The following SETX variants were observed in gnomAD, a reference collection of about 807,000 sequenced individuals.
SETX encodes the protein helicase senataxin.
In SETX, 90 loss-of-function variants were observed where a neutral mutation model predicts 227.2. That is an observed-to-expected ratio of 0.40 (90% CI 0.33 to 0.47). The LOEUF is 0.47. SETX is among the 20% of genes least tolerant of loss of function. The pLI, the probability that SETX is intolerant of heterozygous loss-of-function variation, is 0.91. For synonymous variants in SETX, 1,210 were observed against 1,113.2 expected, an observed-to-expected ratio of 1.09 and a Z score of -1.73; for missense variants, 3,052 against 3,181.5, an observed-to-expected ratio of 0.96 and a Z score of 0.98.
intron 7 of SETX, among the ~76,000 whole-genome samples, chr9:132,333,221 A>G (rs1260685326): frequency 6.6e-6 from 1 of 151,190 alleles, no homozygotes; most frequent in Admixed American, 6.6e-5. Flanking sequence ...TCTACTAAAA[A>G]TACAAAAATT....
Position 132,311,759 on chromosome 9 carries a change from G to C in SETX, c.5372C>G (p.Ala1791Gly). Residue 1791 changes from alanine (A) to glycine (G), a missense_variant and splice_region_variant, in exon 11 of 26, where the codon GCA becomes GGA. Coordinates refer to ENST00000224140, the MANE Select transcript of SETX (RefSeq NM_015046.7). ...AAGTTGCGTAAGAAAAAACTTACCT[G>C]CAAACTCCCAGTATTTTATATAATC... Reference protein sequence around the residue: ...PADYIKYWEFAVYLEECELAK... With the variant: ...PADYIKYWEFGVYLEECELAK... The C allele has an allele frequency of 6.2e-7, 1 of 1,606,514 alleles. No homozygotes were observed. Among genetic ancestry groups the C allele is most frequent in the South Asian group, 1.1e-5 (1 of 90,854 alleles).
chr9:132,290,788 T>C (rs1478114746), intron 15 of SETX, among the ~76,000 whole-genome samples: 1 of 151,884 alleles, frequency 6.6e-6, no homozygotes. Flanking sequence ...CCCAGCTACT[T>C]GGAAGGCAGA....
intron 17 of SETX, 50 bp downstream of exon 17, chr9:132,288,186 T>C (rs763769168): frequency 3.4e-6 from 5 of 1,465,216 alleles, no homozygotes; most frequent in Admixed American, 1.7e-5. Context: ...AAAAAAAACT[T>C]GTTAACTAGT....
intron 24 of SETX, among the ~76,000 whole-genome samples, chr9:132,271,103 A>T (rs1004167237): frequency 1.3e-5 from 2 of 152,214 alleles, no homozygotes; most frequent in African/African-American, 4.8e-5. Flanking sequence ...AAATAAACTG[A>T]CAGTAGTTAA....
chr9:132,291,402 G>C (rs765819298), intron 15 of SETX, among the ~76,000 whole-genome samples: 1 of 151,290 alleles, frequency 6.6e-6, no homozygotes, highest in Non-Finnish European at 1.5e-5. Flanking sequence ...TCCTGACCTC[G>C]TGATCCACCT....
At chr9:132,344,252 T>G (rs181112366) in intron 4 of SETX, among the ~76,000 whole-genome samples, 3 of 152,308 alleles carry the variant, frequency 2.0e-5, no homozygotes, top group Admixed American at 2.0e-4. Context: ...CTTGCGCTGT[T>G]GCCCAGAATG....
chr9:132,283,313 G>C lies in SETX; in HGVS notation c.6497C>G (p.Ala2166Gly). 1.2e-6 allele frequency: 2 copies of C among 1,614,196 alleles called. No homozygotes were observed. The highest frequency in any genetic ancestry group is 1.7e-6 in the Non-Finnish European group (2 of 1,180,036). Residue 2166 changes from alanine to glycine, a missense_variant, in exon 19 of 26, where the codon GCT becomes GGT. Physicochemically the swap from Ala to Gly is moderately conservative, Grantham distance 60. Coordinates refer to ENST00000224140, the MANE Select transcript of SETX (RefSeq NM_015046.7). The stretch of plus-strand genomic sequence containing the variant: ...GGGGACACCCCCTTGCCCACGGAAA[G>C]CAGACTCAAGTAGTAAACCACCACT... ...STSGGLLLES[A>G]FRGQGGVPFS...
In SETX at chr9:132,263,974, T is replaced by C. The variant is rs1842505105; in HGVS notation, c.*265A>G. ...AACATTCACTCCAGTCTGACCTCCTTGTCTATAGAAGACTAAGAGATCAAC... is the reference window on the plus strand; with the variant it reads ...AACATTCACTCCAGTCTGACCTCCTCGTCTATAGAAGACTAAGAGATCAAC... On this transcript the variant is annotated 3_prime_UTR_variant, in exon 26 of 26. Transcript: ENST00000224140. The C allele has an allele frequency of 5.7e-6, 3 of 530,170 alleles. No homozygotes were observed. The highest frequency in any genetic ancestry group is 1.0e-5 in the Non-Finnish European group (3 of 295,466). 32.8% of individuals were successfully genotyped at this position (530,170 alleles called of 1,614,324 possible).
chr9:132,304,198 T>C (rs1445347938), intron 11 of SETX, among the ~76,000 whole-genome samples: 1 of 152,100 alleles, frequency 6.6e-6, no homozygotes, highest in Non-Finnish European at 1.5e-5. Context: ...TGCAGCACCC[T>C]GACAAAAATC....
At chr9:132,334,810 G>A in intron 6 of SETX, 83 bp from the exon 7 acceptor site, 12 of 1,455,364 alleles carry the variant, frequency 8.2e-6, no homozygotes, top group African/African-American at 1.4e-5. Context: ...GAATAACAAG[G>A]CAGGAAGATG....
intron 5 of SETX, among the ~76,000 whole-genome samples, chr9:132,338,490 T>G (rs1201159824): frequency 6.6e-6 from 1 of 152,212 alleles, no homozygotes; most frequent in African/African-American, 2.4e-5. Flanking sequence ...TAAAGAGGAC[T>G]AAATGGACGT....
intron 3 of SETX, among the ~76,000 whole-genome samples, chr9:132,348,595 T>G (rs1413652435): frequency 6.6e-6 from 1 of 152,098 alleles, no homozygotes; most frequent in East Asian, 1.9e-4. Context: ...CAGCACCTAG[T>G]ATATACCAGG....
At chr9:132,284,467 ATAC>A (rs1212050557) in intron 18 of SETX, among the ~76,000 whole-genome samples, 5 of 152,208 alleles carry the variant, frequency 3.3e-5, no homozygotes, top group African/African-American at 4.8e-5. Flanking sequence ...TTCAGCAAAA[ATAC>A]TACTAACGTC....
Position 132,298,235 on chromosome 9 carries a change from T to C in SETX, c.5626A>G (p.Asn1876Asp), listed in dbSNP as rs1372775718. The change falls in exon 13 of 26, where the codon AAT (asparagine) becomes GAT (aspartate). Residue 1876 changes from asparagine (N) to aspartate (D), a missense_variant. Around this residue, in one of 10 missense-constraint regions of SETX, gnomAD observed 239 missense variants for 272.1 expected, o/e 0.88. Coordinates refer to ENST00000224140, the MANE Select transcript of SETX (RefSeq NM_015046.7). The part of the protein sequence containing the change: ...NFPANLNELV[N>D]CIVISSLVTT... ...ACCAGAGAACTGATTACAATACAAT[T>C]CACAAGTTCGTTTAAATTGGCCGGA... is the stretch of plus-strand genomic sequence containing the variant. 2.5e-6 allele frequency: 4 copies of C among 1,614,000 alleles called. No individual in the cohort carries two copies. The highest frequency in any genetic ancestry group is 2.5e-6 in the Non-Finnish European group (3 of 1,180,002).
In SETX at chr9:132,298,102, A is replaced by C; in HGVS notation, c.5759T>G (p.Leu1920Arg). ...CACAATTCTCTCAGATGTTGTAGTC[A>C]GTAAATCTTTTGTACAGAAGTCCAT... ...NPMDFCTKDL[L>R]TTTSERIIAY... Residue 1920 changes from leucine (L) to arginine (R), a missense_variant, in exon 13 of 26, where the codon CTG becomes CGG. By Grantham distance (102) the Leu-to-Arg change is moderately radical. Transcript: ENST00000224140. 6.2e-7 allele frequency: 1 copy of C among 1,613,868 alleles called. No homozygotes were observed. Among genetic ancestry groups the C allele is most frequent in the East Asian group, 2.2e-5 (1 of 44,876 alleles).
chr9:132,269,631 T>C lies in SETX; in HGVS notation c.7271A>G (p.His2424Arg). The C allele has an allele frequency of 6.2e-7, 1 of 1,614,172 alleles. No individual in the cohort carries two copies. The highest frequency in any genetic ancestry group is 8.5e-7 in the Non-Finnish European group (1 of 1,179,978). The change falls in exon 25 of 26, where the codon CAT (histidine) becomes CGT (arginine). Residue 2424 changes from histidine to arginine, a missense_variant. His to Arg is a conservative substitution (Grantham distance 29). Transcript: ENST00000224140. The part of the protein sequence containing the change: ...RAKYSLFILG[H>R]LRTLMENQHW... Reference sequence around the variant, plus strand: ...GGTACCTACCATCAGGGTCCTCAAATGTCCGAGGATGAAGAGGCTGTACTT... The same window carrying C: ...GGTACCTACCATCAGGGTCCTCAAACGTCCGAGGATGAAGAGGCTGTACTT...
At chr9:132,268,509 C>T (rs1842751804) in intron 25 of SETX, among the ~76,000 whole-genome samples, 1 of 152,152 alleles carries the variant, frequency 6.6e-6, no homozygotes, top group South Asian at 2.1e-4. Context: ...TCAAGTTATA[C>T]AGAAATTTTT....
chr9:132,353,978 G>T (rs1359015157), intron 1 of SETX, among the ~76,000 whole-genome samples: 1 of 152,172 alleles, frequency 6.6e-6, no homozygotes, highest in Non-Finnish European at 1.5e-5. Context: ...GCTAGGCACC[G>T]AGCCAAAAAT....
At chr9:132,348,554 G>T (rs1340046734) in intron 3 of SETX, among the ~76,000 whole-genome samples, 2 of 152,000 alleles carry the variant, frequency 1.3e-5, no homozygotes, top group Non-Finnish European at 2.9e-5. Flanking sequence ...TCTGATCCAG[G>T]TTTCAATTCC....
Sources: gnomAD v4.1 joint callset for allele counts (sites outside exome capture counted in the v4.1 genomes callset) on GRCh38, gnomAD v4.1.1 for gene constraint, gnomAD v4.1.1 regional missense constraint, MANE v1.5 for transcripts, NCBI Gene and HGNC (gene_info 2026-07-23, HGNC 2026-07-21) for gene names.